The following CCSER1 variants were observed in gnomAD, a reference collection of about 807,000 sequenced individuals.
CCSER1 encodes the protein coiled-coil serine rich protein 1, also known as serine-rich coiled-coil domain-containing protein 1.
A neutral mutation model predicts 82.0 loss-of-function variants in CCSER1; 41 were observed. That is an observed-to-expected ratio of 0.50 (90% CI 0.39 to 0.65). The LOEUF (loss-of-function observed/expected upper bound fraction) is 0.65, where lower values mean the gene tolerates loss of function less well. CCSER1 is among the 30% of genes least tolerant of loss of function. CCSER1 has a pLI of 0.00. For synonymous variants in CCSER1, 414 were observed against 383.9 expected, an observed-to-expected ratio of 1.08 and a Z score of -0.92; for missense variants, 1,119 against 1,064.2, an observed-to-expected ratio of 1.05 and a Z score of -0.72.
chr4:90,156,477 A>G (rs1439993801), intron 1 of CCSER1, among the ~76,000 whole-genome samples: 1 of 152,180 alleles, frequency 6.6e-6, no homozygotes, highest in Non-Finnish European at 1.5e-5. Flanking sequence ...GTGGGGCGTT[A>G]AAGTCTCCCA....
At chr4:91,027,954 C>A (rs536400746) in intron 9 of CCSER1, among the ~76,000 whole-genome samples, 1 of 151,952 alleles carries the variant, frequency 6.6e-6, no homozygotes, top group South Asian at 2.1e-4. Context: ...ATATTCTAAT[C>A]ATTGTAATTG....
At chr4:91,062,243 C>A (rs763704529) in intron 9 of CCSER1, among the ~76,000 whole-genome samples, 1 of 151,994 alleles carries the variant, frequency 6.6e-6, no homozygotes, top group Non-Finnish European at 1.5e-5. Context: ...TAAAAGGGAT[C>A]AGTTTGATTC....
At chr4:91,460,977 T>C (rs1447257373) in intron 10 of CCSER1, among the ~76,000 whole-genome samples, 1 of 152,212 alleles carries the variant, frequency 6.6e-6, no homozygotes, top group East Asian at 1.9e-4. Flanking sequence ...CTGGCTTCTA[T>C]GACTTTTATG....
intron 6 of CCSER1, among the ~76,000 whole-genome samples, chr4:90,708,014 T>C (rs922567702): frequency 6.6e-6 from 1 of 152,160 alleles, no homozygotes; most frequent in African/African-American, 2.4e-5. Context: ...CAGCCAAATC[T>C]GTCAATGAAA....
chr4:91,050,217 G>A (rs1187888420), intron 9 of CCSER1, among the ~76,000 whole-genome samples: 1 of 152,150 alleles, frequency 6.6e-6, no homozygotes, highest in African/African-American at 2.4e-5. Flanking sequence ...GATCACCTGA[G>A]GTCAGGAGTT....
At chr4:90,153,408 G>C (rs1448160663) in intron 1 of CCSER1, among the ~76,000 whole-genome samples, 1 of 152,056 alleles carries the variant, frequency 6.6e-6, no homozygotes, top group African/African-American at 2.4e-5. Flanking sequence ...CCCAGTAATG[G>C]GATGGCTGGG....
chr4:90,335,286 G>A lies in CCSER1; in HGVS notation c.1509+22239G>A, dbSNP rs373413322. Among the ~76,000 whole-genome samples, 285 of 152,284 alleles carry A rather than the reference G, an allele frequency of 1.9e-3. 1 individual carries two copies. The highest frequency in any genetic ancestry group is 6.0e-3 in the African/African-American group (249 of 41,570). On this transcript the variant is annotated intron_variant, in intron 3 of 10. Transcript: ENST00000509176. ...TTCTTCATTGACAGAAAATAAAAGT[G>A]CCACACTTAATTTTTAAACCATTCA... is the stretch of plus-strand genomic sequence containing the variant.
intron 10 of CCSER1, among the ~76,000 whole-genome samples, chr4:91,296,153 G>A (rs966471478): frequency 2.6e-5 from 4 of 151,728 alleles, no homozygotes; most frequent in African/African-American, 9.7e-5. Context: ...GTAATCATAA[G>A]TGAAGTGTAT....
intron 7 of CCSER1, among the ~76,000 whole-genome samples, chr4:90,740,576 T>G (rs1224210711): frequency 1.3e-5 from 2 of 152,188 alleles, no homozygotes; most frequent in East Asian, 1.9e-4. Flanking sequence ...CTGTTCAAAT[T>G]ATTCTCACAC....
intron 10 of CCSER1, among the ~76,000 whole-genome samples, chr4:91,229,490 T>G (rs1024239673): frequency 5.3e-5 from 8 of 152,074 alleles, no homozygotes; most frequent in Admixed American, 4.6e-4. Context: ...TCTTGCAAAG[T>G]TTAAAAAATT....
At chr4:90,824,496 T>C (rs2149798312) in intron 8 of CCSER1, among the ~76,000 whole-genome samples, 1 of 152,240 alleles carries the variant, frequency 6.6e-6, no homozygotes, top group South Asian at 2.1e-4. Flanking sequence ...TATGGCTAAC[T>C]AGCACTTTAT....
intron 10 of CCSER1, among the ~76,000 whole-genome samples, chr4:91,454,990 A>ACTATTTGC (rs1206842567): frequency 6.6e-6 from 1 of 152,118 alleles, no homozygotes; most frequent in Admixed American, 6.6e-5. Context: ...TTTTAAGGAG[A>ACTATTTGC]CTATTTGCCA....
rs559765444 is a variant in CCSER1 at position 90,433,917 on chromosome 4, A to C, written c.1603+33788A>C. Among the ~76,000 whole-genome samples, 318 of 152,076 alleles carry C rather than the reference A, an allele frequency of 2.1e-3. 1 individual carries two copies. Among genetic ancestry groups the C allele is most frequent in the African/African-American group, 7.3e-3 (305 of 41,532 alleles). On this transcript the variant is annotated intron_variant, in intron 4 of 10. Coordinates refer to ENST00000509176, the MANE Select transcript of CCSER1 (RefSeq NM_001145065.2). The stretch of plus-strand genomic sequence containing the variant: ...ATTGTAAGACAAGAGGTTTAAATAA[A>C]ATTATAGGCCAATAGCTGCATATGA...
At chr4:91,555,698 A>G (rs1762366687) in intron 10 of CCSER1, among the ~76,000 whole-genome samples, 1 of 151,252 alleles carries the variant, frequency 6.6e-6, no homozygotes, top group South Asian at 2.1e-4. Context: ...GAAAATTTTT[A>G]TTCATAATGT....
chr4:91,490,305 G>A (rs528895341), intron 10 of CCSER1, among the ~76,000 whole-genome samples: 4 of 152,266 alleles, frequency 2.6e-5, no homozygotes, highest in Non-Finnish European at 5.9e-5. Flanking sequence ...GTTTATTGCT[G>A]CACTATTCAC....
intron 3 of CCSER1, among the ~76,000 whole-genome samples, chr4:90,317,854 T>G (rs1038442058): frequency 6.6e-6 from 1 of 152,164 alleles, no homozygotes; most frequent in African/African-American, 2.4e-5. Context: ...ATAAAATACT[T>G]TGAATTGTGA....
chr4:91,198,848 A>C (rs1420817744), intron 10 of CCSER1, among the ~76,000 whole-genome samples: 1 of 152,168 alleles, frequency 6.6e-6, no homozygotes, highest in Non-Finnish European at 1.5e-5. Context: ...GTAATAATGA[A>C]AAAGCCCAGA....
intron 10 of CCSER1, among the ~76,000 whole-genome samples, chr4:91,302,572 AAACT>A (rs1744751143): frequency 6.6e-6 from 1 of 151,932 alleles, no homozygotes; most frequent in African/African-American, 2.4e-5. Flanking sequence ...CCTTCTACAT[AAACT>A]CTCTCTATTT....
At chr4:90,719,747 A>C (rs1742340909) in intron 6 of CCSER1, among the ~76,000 whole-genome samples, 1 of 152,172 alleles carries the variant, frequency 6.6e-6, no homozygotes, top group Admixed American at 6.5e-5. Flanking sequence ...TGCTGTCTAC[A>C]TAATGCTACC....
Sources: allele counts gnomAD v4.1 joint callset (sites outside exome capture counted in the v4.1 genomes callset), GRCh38; gene constraint gnomAD v4.1.1; transcripts MANE v1.5; gene names NCBI Gene and HGNC (gene_info 2026-07-23, HGNC 2026-07-21).